CHRNA3: variants seen among roughly 807,000 people sequenced by gnomAD.
CHRNA3 encodes cholinergic receptor nicotinic alpha 3 subunit.
CHRNA3 carries 34 observed loss-of-function variants against 41.9 expected under a neutral mutation model. The observed-to-expected ratio is 0.81, with a 90% confidence interval of 0.62 to 1.08. The LOEUF (loss-of-function observed/expected upper bound fraction) is 1.08. CHRNA3 is among the 50% of genes least tolerant of loss of function. The pLI, the probability that CHRNA3 is intolerant of heterozygous loss-of-function variation, is 0.00. For missense variants in CHRNA3, 542 were observed against 638.3 expected (o/e 0.85, Z 1.63); for synonymous variants, 281 against 265.2 (o/e 1.06, Z -0.58).
intron 5 of CHRNA3, among the ~76,000 whole-genome samples, chr15:78,598,465 G>GCTTGCTGC (rs2062121990): frequency 6.6e-6 from 1 of 151,844 alleles, no homozygotes; most frequent in Non-Finnish European, 1.5e-5. Flanking sequence ...TGCAATCATG[G>GCTTGCTGC]CTTGCTGCAG....
Position 78,618,907 on chromosome 15 carries a change from C to G in CHRNA3, c.91G>C (p.Ala31Pro), listed in dbSNP as rs1183691826. 1 of 1,613,244 alleles carries G rather than the reference C, an allele frequency of 6.2e-7. No individual in the cohort carries two copies. The highest frequency in any genetic ancestry group is 8.5e-7 in the Non-Finnish European group (1 of 1,179,984). ...LLLSLLPVARASEAEHRLFER... is the reference protein window; with the variant it reads ...LLLSLLPVARPSEAEHRLFER... ...AATAGACGGTGCTCAGCCTCTGAGGCCCTGGCCACTGTGGGAAGCAGCCCT... is the reference window on the plus strand; with the variant it reads ...AATAGACGGTGCTCAGCCTCTGAGGGCCTGGCCACTGTGGGAAGCAGCCCT... Residue 31 changes from alanine to proline, a missense_variant, in exon 2 of 6, where the codon GCC becomes CCC. Coordinates refer to ENST00000326828, the MANE Select transcript of CHRNA3 (RefSeq NM_000743.5).
chr15:78,620,818 G>C lies in CHRNA3; in HGVS notation c.-24C>G. On this transcript the variant is annotated 5_prime_UTR_variant, in exon 1 of 6. Transcript: ENST00000326828. ...ATGGCTGGTGGCCGGGCTGGCCGCG[G>C]ACCCGGACGGTCGGGAGCGGGCGCG... 7.2e-7 allele frequency: 1 copy of C among 1,381,580 alleles called. No individual in the cohort carries two copies. The highest frequency in any genetic ancestry group is 9.3e-7 in the Non-Finnish European group (1 of 1,077,152). 85.6% of individuals were successfully genotyped at this position (1,381,580 alleles called of 1,614,324 possible).
downstream of CHRNA3, chr15:78,595,026 C>G (rs2053077648): frequency 6.6e-6 from 1 of 152,284 alleles, no homozygotes; most frequent in African/African-American, 2.4e-5. Context: ...TCACAAACAC[C>G]TCATTTATTT....
chr15:78,602,879 A>G (rs1423883140), intron 4 of CHRNA3, among the ~76,000 whole-genome samples: 1 of 152,150 alleles, frequency 6.6e-6, no homozygotes, highest in Non-Finnish European at 1.5e-5. Context: ...CTGTTTTACA[A>G]TAATCATGTT....
intron 5 of CHRNA3, among the ~76,000 whole-genome samples, chr15:78,600,993 C>A (rs7178162): frequency 0.066 from 9,967 of 152,160 alleles, 975 homozygotes; most frequent in East Asian, 0.31. Context: ...TTTTCATGGT[C>A]CAGCCTGCCA....
chr15:78,594,856 CTT>C (rs1161998071), downstream of CHRNA3: 4 of 152,300 alleles, frequency 2.6e-5, no homozygotes, highest in African/African-American at 9.6e-5. Flanking sequence ...TGTAATCAAT[CTT>C]AGCCTATTAC....
chr15:78,614,724 G>T (rs75496081), intron 4 of CHRNA3, among the ~76,000 whole-genome samples: 302 of 152,222 alleles, frequency 2.0e-3, no homozygotes, highest in Non-Finnish European at 3.5e-3. Flanking sequence ...AAATGTAAAA[G>T]GTTTAAATAT....
Position 78,597,363 on chromosome 15 carries a change from G to A in CHRNA3, c.1390-631C>T, listed in dbSNP as rs74733525. Among the ~76,000 whole-genome samples the A allele has an allele frequency of 3.1e-3, 468 of 152,274 alleles. 16 individuals carry two copies. In the East Asian group the frequency reaches 0.084, roughly 27 times the overall value. ...TGAGAATTTCTTGAACCCGGGAGGC[G>A]GAGGTTGCAGTGAGCAGAGATCACG... On this transcript the variant is annotated intron_variant, in intron 5 of 5. Transcript: ENST00000326828.
In CHRNA3 at chr15:78,596,563, T is replaced by G. The variant is rs1250418232; in HGVS notation, c.*41A>C. ...ACTAGGAAGCAGCCTCCTCCTGCCCTGACACAAGGAAGTCTCCCAGGCAGG... is the reference window on the plus strand; with the variant it reads ...ACTAGGAAGCAGCCTCCTCCTGCCCGGACACAAGGAAGTCTCCCAGGCAGG... On this transcript the variant is annotated 3_prime_UTR_variant, in exon 6 of 6. Coordinates refer to ENST00000326828, the MANE Select transcript of CHRNA3 (RefSeq NM_000743.5). The G allele has an allele frequency of 6.8e-7, 1 of 1,476,748 alleles. No individual in the cohort carries two copies. The highest frequency in any genetic ancestry group is 1.4e-5 in the African/African-American group (1 of 69,872). 91.5% of individuals were successfully genotyped at this position (1,476,748 alleles called of 1,614,324 possible). A position where few individuals can be genotyped will look rare whatever the true frequency, so the allele number is the denominator to read the frequency against.
At chr15:78,620,601 G>GGCGACA in intron 1 of CHRNA3, 112 bp downstream of exon 1, 1 of 1,371,130 alleles carries the variant, frequency 7.3e-7, no homozygotes, top group East Asian at 3.2e-5. Flanking sequence ...CCCCGGCGAC[G>GGCGACA]GCGCCAGCCC....
chr15:78,616,896 T>A, intron 4 of CHRNA3, 128 bp downstream of exon 4: 1 of 632,330 alleles, frequency 1.6e-6, no homozygotes, highest in Admixed American at 2.7e-5. Flanking sequence ...TACATACCTA[T>A]GGACTGAACA....
intron 4 of CHRNA3, among the ~76,000 whole-genome samples, chr15:78,604,302 C>T (rs2053250345): frequency 6.6e-6 from 1 of 152,204 alleles, no homozygotes; most frequent in South Asian, 2.1e-4. Flanking sequence ...CTAGCCCCTG[C>T]TCTAGTCCAA....
chr15:78,605,423 C>T (rs983609620), intron 4 of CHRNA3, among the ~76,000 whole-genome samples: 40 of 152,014 alleles, frequency 2.6e-4, no homozygotes, highest in African/African-American at 9.4e-4. Context: ...TAGAGGCAGC[C>T]GGGGGAAAAG....
Position 78,620,898 on chromosome 15 carries a change from G to C in CHRNA3, c.-104C>G. 2.4e-6 allele frequency: 3 copies of C among 1,250,844 alleles called. No homozygotes were observed. The highest frequency in any genetic ancestry group is 3.0e-6 in the Non-Finnish European group (3 of 999,058). The allele number at this position is 1,250,844 out of a possible 1,614,324, so 77.5% of individuals were successfully genotyped here. A position where few individuals can be genotyped will look rare whatever the true frequency, so the allele number is the denominator to read the frequency against. On this transcript the variant is annotated 5_prime_UTR_variant, in exon 1 of 6. Transcript: ENST00000326828. The stretch of plus-strand genomic sequence containing the variant: ...GGCTCCAGCGCAGACCCCAGACCTG[G>C]AGCCGTGCGGGCGGAGACGCGCGGG...
intron 5 of CHRNA3, chr15:78,599,982 A>G (rs923709572): frequency 7.1e-6 from 1 of 141,536 alleles, no homozygotes; most frequent in Non-Finnish European, 1.5e-5. Context: ...GTACTACTGC[A>G]CTCCATTCTG....
chr15:78,602,098 A>C lies in CHRNA3; in HGVS notation c.544T>G (p.Tyr182Asp), dbSNP rs767389238. 28 of 1,614,100 alleles carry C rather than the reference A, an allele frequency of 1.7e-5. No individual in the cohort carries two copies. Among genetic ancestry groups the C allele is most frequent in the Non-Finnish European group, 2.2e-5 (26 of 1,180,042 alleles). ...ACCAGATCGATTTTCGCCTTATCGTAGGACCAGGAACCGAACTTCATGGTA... is the reference window on the plus strand; with the variant it reads ...ACCAGATCGATTTTCGCCTTATCGTCGGACCAGGAACCGAACTTCATGGTA... ...NCTMKFGSWS[Y>D]DKAKIDLVLI... Residue 182 changes from tyrosine (Y) to aspartate (D), a missense_variant, in exon 5 of 6, where the codon TAC becomes GAC. By Grantham distance (160) the Tyr-to-Asp change is radical. Transcript: ENST00000326828.
At chr15:78,602,968 T>C (rs2141327757) in intron 4 of CHRNA3, among the ~76,000 whole-genome samples, 1 of 152,328 alleles carries the variant, frequency 6.6e-6, no homozygotes, top group East Asian at 1.9e-4. Flanking sequence ...TCCCCATGTT[T>C]CTTCTCCCTT....
downstream of CHRNA3, chr15:78,595,161 G>T (rs1011032709): frequency 9.4e-5 from 33 of 349,636 alleles, no homozygotes; most frequent in Non-Finnish European, 1.3e-4. Context: ...CTGGTGTGAT[G>T]AATTTAGATT....
chr15:78,606,701 C>T (rs1269662233), intron 4 of CHRNA3, among the ~76,000 whole-genome samples: 6 of 151,164 alleles, frequency 4.0e-5, no homozygotes, highest in African/African-American at 1.2e-4. Flanking sequence ...CGAGACCATC[C>T]TGGCTAACAC....
Sources: gnomAD v4.1 joint callset for allele counts (sites outside exome capture counted in the v4.1 genomes callset) on GRCh38, gnomAD v4.1.1 for gene constraint, MANE v1.5 for transcripts, NCBI Gene and HGNC (gene_info 2026-07-23, HGNC 2026-07-21) for gene names.